CNOT6L: variants seen among roughly 807,000 people sequenced by gnomAD.
CNOT6L encodes CCR4-NOT transcription complex subunit 6-like.
In CNOT6L, 7 loss-of-function variants were observed where a neutral mutation model predicts 64.0. The ratio of observed to expected loss-of-function variants is 0.11; its 90% CI spans 0.06 to 0.21. The LOEUF is 0.21. Ranked by LOEUF, CNOT6L falls within the 10% of genes least tolerant of loss-of-function variation. The pLI is 1.00. For synonymous variants in CNOT6L, 193 were observed against 243.4 expected (o/e 0.79, Z 1.93); for missense variants, 245 against 669.0 (o/e 0.37, Z 6.99).
intron 5 of CNOT6L, among the ~76,000 whole-genome samples, chr4:77,754,887 G>GA (rs1725286474): frequency 8.1e-5 from 1 of 12,304 alleles, no homozygotes; most frequent in African/African-American, 2.7e-4. Flanking sequence ...AACATTAGAA[G>GA]TAAAAAAAAA....
rs34417165 is a variant in CNOT6L, at chr4:77,776,398, T to TAA, written c.6-8_6-7dup. On this transcript the variant is annotated splice_region_variant and splice_polypyrimidine_tract_variant and intron_variant, in intron 1 of 11. Transcript: ENST00000504123. ...CCTTTGGCATCCCTATTAGTCTGTT[T>TAA]AAAAAAAAAAAGGAGGAGATCAATA... The TAA allele has an allele frequency of 0.038, 39,243 of 1,029,200 alleles. 4 individuals are homozygous for TAA. Among genetic ancestry groups the TAA allele is most frequent in the East Asian group, 0.056 (1,665 of 29,858 alleles). 63.8% of individuals were successfully genotyped at this position (1,029,200 alleles called of 1,614,324 possible). A position where few individuals can be genotyped will look rare whatever the true frequency, so the allele number is the denominator to read the frequency against.
At chr4:77,767,847 C>T (rs947624162) in intron 4 of CNOT6L, among the ~76,000 whole-genome samples, 2 of 151,598 alleles carry the variant, frequency 1.3e-5, no homozygotes, top group Non-Finnish European at 2.9e-5. Flanking sequence ...GGCATGGTGG[C>T]GGGAGCCTGT....
rs573698776 is a variant in CNOT6L at position 77,726,038 on chromosome 4, T to C, written c.1455+129A>G. 1.5e-4 allele frequency: 121 copies of C among 818,504 alleles called. No homozygotes were observed. In the African/African-American group the frequency reaches 1.9e-3, roughly 13 times the overall value. The allele number at this position is 818,504 out of a possible 1,614,324, so 50.7% of individuals were successfully genotyped here. A position where few individuals can be genotyped will look rare whatever the true frequency, so the allele number is the denominator to read the frequency against. On this transcript the variant is annotated intron_variant, in intron 11 of 11. Coordinates refer to ENST00000504123, the MANE Select transcript of CNOT6L (RefSeq NM_144571.3). ...ACCTACTTATATTTAGGTGCATACT[T>C]AGCCTAGACATTTTAAGAATCTAAA... is the stretch of plus-strand genomic sequence containing the variant.
At chr4:77,764,419 G>A (rs1212879422) in intron 4 of CNOT6L, among the ~76,000 whole-genome samples, 1 of 152,086 alleles carries the variant, frequency 6.6e-6, no homozygotes, top group Non-Finnish European at 1.5e-5. Flanking sequence ...AAATATCAGA[G>A]ATGATCCAAC....
At chr4:77,777,914 T>C (rs1052234746) in intron 1 of CNOT6L, among the ~76,000 whole-genome samples, 20 of 152,310 alleles carry the variant, frequency 1.3e-4, no homozygotes, top group Admixed American at 5.9e-4. Flanking sequence ...AAAGGGAAAA[T>C]AGTCATTCCT....
intron 1 of CNOT6L, among the ~76,000 whole-genome samples, chr4:77,776,912 C>T (rs1194288229): frequency 6.6e-6 from 1 of 152,134 alleles, no homozygotes; most frequent in East Asian, 1.9e-4. Context: ...TGGTCATAAA[C>T]AAAGAAGAAT....
chr4:77,761,373 C>G (rs968157075), intron 4 of CNOT6L, among the ~76,000 whole-genome samples: 2 of 152,074 alleles, frequency 1.3e-5, no homozygotes, highest in Admixed American at 6.6e-5. Context: ...CCTTAATGAC[C>G]TGTATCTACA....
chr4:77,789,496 G>A (rs1391657829), intron 1 of CNOT6L, among the ~76,000 whole-genome samples: 1 of 151,942 alleles, frequency 6.6e-6, no homozygotes, highest in East Asian at 1.9e-4. Flanking sequence ...GGGCAACATG[G>A]CAAGACCCTG....
chr4:77,751,160 AAAG>A (rs1724818449), intron 5 of CNOT6L, among the ~76,000 whole-genome samples: 1 of 152,200 alleles, frequency 6.6e-6, no homozygotes, highest in Admixed American at 6.5e-5. Context: ...ATATCCCTGA[AAAG>A]AATAGAAAAA....
intron 1 of CNOT6L, among the ~76,000 whole-genome samples, chr4:77,814,961 T>A (rs548521156): frequency 2.0e-5 from 3 of 152,314 alleles, no homozygotes; most frequent in South Asian, 4.1e-4. Context: ...AATTAATAAT[T>A]AAGCCTCTGT....
At chr4:77,811,594 A>C (rs1732944967) in intron 1 of CNOT6L, among the ~76,000 whole-genome samples, 1 of 152,138 alleles carries the variant, frequency 6.6e-6, no homozygotes, top group Admixed American at 6.5e-5. Context: ...AGGGAAAAAG[A>C]GGAAAATCTA....
chr4:77,801,166 C>T (rs748848431), intron 1 of CNOT6L, among the ~76,000 whole-genome samples: 1 of 152,086 alleles, frequency 6.6e-6, no homozygotes, highest in Non-Finnish European at 1.5e-5. Flanking sequence ...TCTGACCCTA[C>T]GTGAAAGCAA....
intron 1 of CNOT6L, among the ~76,000 whole-genome samples, chr4:77,787,891 G>A (rs2110099551): frequency 6.6e-6 from 1 of 152,308 alleles, no homozygotes; most frequent in East Asian, 1.9e-4. Context: ...AAGCTTGCTG[G>A]CAAGCAGCAG....
At chr4:77,755,417 C>T (rs1725451616) in intron 5 of CNOT6L, among the ~76,000 whole-genome samples, 1 of 151,718 alleles carries the variant, frequency 6.6e-6, no homozygotes, top group African/African-American at 2.4e-5. Flanking sequence ...GAGGTTTCAC[C>T]GTGTTAGCCA....
chr4:77,806,030 T>C (rs537369536), intron 1 of CNOT6L, among the ~76,000 whole-genome samples: 25 of 152,366 alleles, frequency 1.6e-4, no homozygotes, highest in Middle Eastern at 3.4e-3. Flanking sequence ...TAGTCAATCA[T>C]TGACTTATCA....
At chr4:77,729,579 C>T (rs1456115567) in intron 9 of CNOT6L, among the ~76,000 whole-genome samples, 1 of 152,086 alleles carries the variant, frequency 6.6e-6, no homozygotes, top group African/African-American at 2.4e-5. Flanking sequence ...ACACCATATA[C>T]CGAAATAACA....
chr4:77,812,213 G>A (rs536668627), intron 1 of CNOT6L, among the ~76,000 whole-genome samples: 64 of 151,982 alleles, frequency 4.2e-4, no homozygotes, highest in Non-Finnish European at 8.1e-4. Context: ...GGGAGGCTGA[G>A]GCAGGTGGAT....
intron 5 of CNOT6L, among the ~76,000 whole-genome samples, chr4:77,751,446 G>C (rs149084764): frequency 2.1e-4 from 32 of 152,236 alleles, no homozygotes; most frequent in African/African-American, 7.5e-4. Flanking sequence ...AGTTCCAGAA[G>C]GACAGGAGAA....
At chr4:77,790,007 T>C (rs904166272) in intron 1 of CNOT6L, among the ~76,000 whole-genome samples, 2 of 128,962 alleles carry the variant, frequency 1.6e-5, no homozygotes, top group African/African-American at 3.0e-5. Context: ...TAATACAACA[T>C]ACAAATTTTT....
Sources: gnomAD v4.1 joint callset for allele counts (sites outside exome capture counted in the v4.1 genomes callset) on GRCh38, gnomAD v4.1.1 for gene constraint, MANE v1.5 for transcripts, NCBI Gene and HGNC (gene_info 2026-07-23, HGNC 2026-07-21) for gene names.